Variants in TENM2 observed in about 807,000 individuals in gnomAD.
TENM2 encodes teneurin transmembrane protein 2, also known as teneurin-2.
A neutral mutation model predicts 245.2 loss-of-function variants in TENM2; 52 were observed. The observed-to-expected ratio is 0.21, with a 90% CI of 0.17 to 0.27. The LOEUF (loss-of-function observed/expected upper bound fraction) is 0.27, where lower values mean the gene tolerates loss of function less well. Ranked by LOEUF, TENM2 falls within the 10% of genes least tolerant of loss-of-function variation. TENM2 has a pLI of 1.00. For synonymous variants in TENM2, 1,363 were observed against 1,438.9 expected (o/e 0.95, Z 1.19); for missense variants, 3,046 against 3,666.8 (o/e 0.83, Z 4.37).
At chr5:167,167,799 T>G in the TENM2 span, among the ~76,000 whole-genome samples, 1 of 152,176 alleles carries the variant, frequency 6.6e-6, no homozygotes, top group Non-Finnish European at 1.5e-5. Flanking sequence ...CCCTGGCACT[T>G]TGTAAGTATT....
intron 3 of TENM2, 111 bp downstream of exon 5, chr5:167,876,306 G>A: frequency 1.1e-6 from 1 of 890,442 alleles, no homozygotes; most frequent in Non-Finnish European, 1.8e-6. Context: ...GGTGTGGGGA[G>A]CATCAGGGTG....
intron 4 of TENM2, among the ~76,000 whole-genome samples, chr5:167,979,348 T>C (rs1390128236): frequency 6.6e-6 from 1 of 152,156 alleles, no homozygotes; most frequent in African/African-American, 2.4e-5. Flanking sequence ...AATCTCCATG[T>C]TTGCAGAGAT....
chr5:167,875,108 C>A (rs892407514), intron 2 of TENM2, among the ~76,000 whole-genome samples: 3 of 152,112 alleles, frequency 2.0e-5, no homozygotes, highest in Non-Finnish European at 4.4e-5. Context: ...ATAAAATAAA[C>A]AAGATGCCTG....
At chr5:167,835,996 TG>T (rs2151120099) in intron 2 of TENM2, among the ~76,000 whole-genome samples, 1 of 152,344 alleles carries the variant, frequency 6.6e-6, no homozygotes, top group Non-Finnish European at 1.5e-5. Flanking sequence ...GTTTGATTTT[TG>T]TTTTGAACCA....
At chr5:167,635,617 C>CTATGATCA (rs1779144367) in intron 2 of TENM2, among the ~76,000 whole-genome samples, 1 of 135,206 alleles carries the variant, frequency 7.4e-6, no homozygotes, top group South Asian at 2.6e-4. Flanking sequence ...AGGAATCTGG[C>CTATGATCA]TATGATCAGT....
At chr5:167,984,879 CTCTG>C (rs953017398) in intron 4 of TENM2, among the ~76,000 whole-genome samples, 12 of 152,110 alleles carry the variant, frequency 7.9e-5, no homozygotes, top group Admixed American at 2.0e-4. Context: ...ATGTCTCTGT[CTCTG>C]TCTGTCTCAG....
At chr5:168,045,866 A>G (rs796269663) in intron 5 of TENM2, among the ~76,000 whole-genome samples, 14 of 152,288 alleles carry the variant, frequency 9.2e-5, no homozygotes, top group African/African-American at 2.9e-4. Context: ...ATTTGAGGCA[A>G]TGGAATCTGG....
chr5:166,998,081 G>A, the TENM2 span, among the ~76,000 whole-genome samples: 17 of 152,226 alleles, frequency 1.1e-4, no homozygotes, highest in Non-Finnish European at 2.2e-4. Context: ...TGATATTTGA[G>A]CTAAGACTGT....
intron 2 of TENM2, among the ~76,000 whole-genome samples, chr5:167,604,599 T>C (rs1776894206): frequency 6.6e-6 from 1 of 152,196 alleles, no homozygotes; most frequent in Non-Finnish European, 1.5e-5. Context: ...CATTTAAAAA[T>C]TCCCTACTAT....
At chr5:167,896,737 C>A (rs1449754536) in intron 3 of TENM2, among the ~76,000 whole-genome samples, 2 of 152,112 alleles carry the variant, frequency 1.3e-5, no homozygotes, top group African/African-American at 2.4e-5. Flanking sequence ...AGATGGGAAG[C>A]AAAGCAGGTG....
At chr5:168,036,677 G>A (rs56217704) in intron 5 of TENM2, among the ~76,000 whole-genome samples, 2 of 117,790 alleles carry the variant, frequency 1.7e-5, no homozygotes, top group South Asian at 2.8e-4. Flanking sequence ...ATATGTATGT[G>A]TATATATATA....
intron 9 of TENM2, among the ~76,000 whole-genome samples, chr5:168,101,675 T>C (rs1176609004): frequency 1.3e-5 from 2 of 152,204 alleles, no homozygotes; most frequent in East Asian, 3.9e-4. Context: ...GCTCCTGAAA[T>C]CGGGCTTTGA....
At chr5:167,712,804 A>G (rs924662708) in intron 2 of TENM2, among the ~76,000 whole-genome samples, 3 of 152,228 alleles carry the variant, frequency 2.0e-5, no homozygotes, top group Non-Finnish European at 4.4e-5. Context: ...GTAGAAGTTT[A>G]GAGAAGAAAA....
At chr5:168,142,340 G>T (rs1018683744) in intron 12 of TENM2, among the ~76,000 whole-genome samples, 1 of 152,218 alleles carries the variant, frequency 6.6e-6, no homozygotes, top group African/African-American at 2.4e-5. Flanking sequence ...TGATCTCAGT[G>T]CTCCTGGAAT....
intron 2 of TENM2, among the ~76,000 whole-genome samples, chr5:167,659,416 G>A (rs1436466736): frequency 6.6e-6 from 1 of 152,098 alleles, no homozygotes; most frequent in African/African-American, 2.4e-5. Flanking sequence ...ATATCCCTGG[G>A]CTTTCATAAA....
At chr5:167,062,349 G>T in the TENM2 span, among the ~76,000 whole-genome samples, 1 of 151,950 alleles carries the variant, frequency 6.6e-6, no homozygotes, top group Non-Finnish European at 1.5e-5. Context: ...TTGGGTTTAG[G>T]TAAAAATTGA....
At chr5:167,723,370 GAATTCTCCA>G (rs939475079) in intron 2 of TENM2, among the ~76,000 whole-genome samples, 2 of 152,056 alleles carry the variant, frequency 1.3e-5, no homozygotes, top group Non-Finnish European at 2.9e-5. Flanking sequence ...GGAATGTACC[GAATTCTCCA>G]GTCTCCCCAC....
the TENM2 span, among the ~76,000 whole-genome samples, chr5:167,181,437 G>GTTTT: frequency 8.1e-6 from 1 of 123,132 alleles, no homozygotes; most frequent in African/African-American, 3.1e-5. Context: ...TCAGTTCTCT[G>GTTTT]TTTTTTTTTT....
intron 2 of TENM2, among the ~76,000 whole-genome samples, chr5:167,620,033 A>G (rs1343859888): frequency 6.6e-6 from 1 of 152,124 alleles, no homozygotes; most frequent in East Asian, 1.9e-4. Flanking sequence ...AATAATGAAT[A>G]TATGTATGTA....
Sources: gnomAD v4.1 joint callset for allele counts (sites outside exome capture counted in the v4.1 genomes callset) on GRCh38, gnomAD v4.1.1 for gene constraint, MANE v1.5 for transcripts, NCBI Gene and HGNC (gene_info 2026-07-23, HGNC 2026-07-21) for gene names.